RPUSD3: variants seen among roughly 807,000 people sequenced by gnomAD.
RPUSD3 encodes the protein RNA pseudouridine synthase D3, also known as mitochondrial mRNA pseudouridine synthase RPUSD3.
In RPUSD3, 36 loss-of-function variants were observed where a neutral mutation model predicts 35.1. The ratio of observed to expected loss-of-function variants is 1.02; its 90% CI spans 0.79 to 1.35. RPUSD3 has a LOEUF of 1.35. Ranked by LOEUF, RPUSD3 falls within the 40% of genes most tolerant of loss-of-function variation. The pLI, the probability that RPUSD3 is intolerant of heterozygous loss-of-function variation, is 0.00. For missense variants in RPUSD3, 486 were observed against 441.9 expected, an observed-to-expected ratio of 1.10 and a Z score of -0.89; for synonymous variants, 202 against 187.8, an observed-to-expected ratio of 1.08 and a Z score of -0.62.
chr3:9,840,926 C>T (rs1460593598), intron 4 of RPUSD3, 121 bp from the exon 5 acceptor site: 5 of 623,608 alleles, frequency 8.0e-6, no homozygotes, highest in South Asian at 2.1e-5. Context: ...ATAACCTAGA[C>T]CAACTCCTGA....
Position 9,843,602 on chromosome 3 carries a change from C to G in RPUSD3, c.126-1G>C. Reference sequence around the variant, plus strand: ...GGAGCCGCGGGGTTGCCTCTGATGCCTGGACAAGGAGGGAGAAGCAATGGG... The same window carrying G: ...GGAGCCGCGGGGTTGCCTCTGATGCGTGGACAAGGAGGGAGAAGCAATGGG... On this transcript the variant is annotated splice_acceptor_variant, in intron 1 of 8. Transcript: ENST00000383820. LOFTEE classifies it high-confidence loss of function. The G allele has an allele frequency of 1.2e-6, 2 of 1,613,546 alleles. No individual in the cohort carries two copies. The highest frequency in any genetic ancestry group is 1.7e-6 in the Non-Finnish European group (2 of 1,179,922).
At chr3:9,838,320 G>T in intron 8 of RPUSD3, 113 bp from the exon 9 acceptor site, 1 of 977,954 alleles carries the variant, frequency 1.0e-6, no homozygotes, top group Non-Finnish European at 1.5e-6. Context: ...CCACTGTTCT[G>T]CAACTGTTAA....
chr3:9,838,925 G>GCTA, intron 8 of RPUSD3, 107 bp downstream of exon 8: 1 of 1,498,560 alleles, frequency 6.7e-7, no homozygotes, highest in Non-Finnish European at 9.1e-7. Context: ...AGCCAAAAGG[G>GCTA]CTGCCTCCCA....
intron 2 of RPUSD3, chr3:9,843,243 G>A: frequency 1.6e-6 from 1 of 616,256 alleles, no homozygotes; most frequent in Admixed American, 3.0e-5. Flanking sequence ...CTATGTGCAA[G>A]GCTCGGTAGT....
intron 6 of RPUSD3, 81 bp from the exon 7 acceptor site, chr3:9,840,388 C>G (rs747200637): frequency 6.2e-7 from 1 of 1,611,376 alleles, no homozygotes. Flanking sequence ...CAATAGACTC[C>G]GGGCAGGGCC....
At chr3:9,842,203 C>T (rs759916670) in exon 3 of RPUSD3, 3 of 1,614,188 alleles carry the variant, frequency 1.9e-6, no homozygotes, top group Non-Finnish European at 1.7e-6. Context: ...CCATACCTGT[C>T]ACTGGTAGAC....
chr3:9,841,006 G>A (rs1019335705), intron 4 of RPUSD3: 5 of 410,224 alleles, frequency 1.2e-5, no homozygotes, highest in East Asian at 9.0e-5. Context: ...ATTTTGCCCC[G>A]GCCCCCAGGG....
At chr3:9,843,865 C>T (rs779441097) in intron 1 of RPUSD3, 25 bp downstream of exon 1, 20 of 1,589,506 alleles carry the variant, frequency 1.3e-5, no homozygotes, top group Non-Finnish European at 1.6e-5. Context: ...CTCCGTCCCG[C>T]ATGAGAGAGG....
intron 7 of RPUSD3, 79 bp downstream of exon 7, chr3:9,840,105 C>T (rs778020434): frequency 4.8e-5 from 74 of 1,551,336 alleles, no homozygotes; most frequent in Non-Finnish European, 6.3e-5. Flanking sequence ...TGGTCTTGAA[C>T]TCCTGACCTC....
chr3:9,843,627 G>C (rs781433740), intron 1 of RPUSD3, 26 bp from the exon 2 acceptor site: 135 of 1,612,160 alleles, frequency 8.4e-5, no homozygotes, highest in Non-Finnish European at 1.1e-4. Context: ...GAAGCAATGG[G>C]AGTCATTCCA....
intron 8 of RPUSD3, 134 bp downstream of exon 8, chr3:9,838,898 A>G: frequency 8.6e-7 from 1 of 1,162,328 alleles, no homozygotes; most frequent in Non-Finnish European, 1.2e-6. Context: ...AGATGTGGGT[A>G]CGGATACAGC....
rs762835991 is a variant in RPUSD3, at chr3:9,842,018, CCT to C, written c.370_371del (p.Arg124GlyfsTer28). 6.2e-7 allele frequency: 1 copy of C among 1,614,060 alleles called. No individual in the cohort carries two copies. Among genetic ancestry groups the C allele is most frequent in the Non-Finnish European group, 8.5e-7 (1 of 1,179,968 alleles). On this transcript the variant is annotated frameshift_variant, in exon 4 of 9. Transcript: ENST00000383820. LOFTEE classifies it high-confidence loss of function. Reference sequence around the variant, plus strand: ...CTCGGACAACCTGAAGCTCCTGCTCCCTGAGCCCTAGGGACTGGCTCAGCTCT... The same window carrying C: ...CTCGGACAACCTGAAGCTCCTGCTCCGAGCCCTAGGGACTGGCTCAGCTCT...
chr3:9,838,165 AG>A lies in RPUSD3; in HGVS notation c.906del (p.Ser303ProfsTer64), dbSNP rs1217067065. The stretch of plus-strand genomic sequence containing the variant: ...TGCAAGGGCAGCTGGGCAGCCTGGG[AG>A]GGGGTCAGGTGGAGGCGTCTGAGGA... On this transcript the variant is annotated frameshift_variant, in exon 9 of 9. Coordinates refer to ENST00000383820, the Ensembl canonical transcript of RPUSD3. LOFTEE classifies it high-confidence loss of function. The A allele has an allele frequency of 1.2e-6, 2 of 1,611,998 alleles. No homozygotes were observed. Among genetic ancestry groups the A allele is most frequent in the South Asian group, 2.2e-5 (2 of 90,984 alleles).
At chr3:9,842,640 G>C (rs1003744292) in intron 2 of RPUSD3, 3 of 270,736 alleles carry the variant, frequency 1.1e-5, no homozygotes, top group African/African-American at 6.5e-5. Context: ...TCCCGTTAGA[G>C]AGAAATCCAT....
chr3:9,840,108 C>G, intron 7 of RPUSD3, 76 bp downstream of exon 7: 1 of 1,556,528 alleles, frequency 6.4e-7, no homozygotes, highest in Non-Finnish European at 8.7e-7. Flanking sequence ...TCTTGAACTC[C>G]TGACCTCGTG....
chr3:9,840,412 T>C, intron 6 of RPUSD3, 105 bp from the exon 7 acceptor site: 2 of 1,602,318 alleles, frequency 1.2e-6, no homozygotes, highest in Middle Eastern at 1.7e-4. Flanking sequence ...GTATAGGCAG[T>C]GGTCACTTGC....
intron 2 of RPUSD3, chr3:9,842,444 T>C (rs1186733912): frequency 4.9e-6 from 3 of 615,988 alleles, no homozygotes; most frequent in Non-Finnish European, 8.8e-6. Context: ...CTGTTTCCTG[T>C]CCCCAAATTT....
intron 7 of RPUSD3, 148 bp downstream of exon 7, chr3:9,840,036 G>A (rs4299465): frequency 0.16 from 157,585 of 960,266 alleles, 14,036 homozygotes; most frequent in African/African-American, 0.2. Flanking sequence ...GCCTGCCACC[G>A]TGCCCAGCTA....
chr3:9,843,287 G>A, intron 2 of RPUSD3, 178 bp downstream of exon 2: 2 of 802,444 alleles, frequency 2.5e-6, no homozygotes, highest in Non-Finnish European at 4.0e-6. Context: ...TAACCCTACT[G>A]CATCATGGCA....
Sources: allele counts gnomAD v4.1 joint callset, GRCh38; gene constraint gnomAD v4.1.1; transcripts MANE v1.5; gene names NCBI Gene and HGNC (gene_info 2026-07-23, HGNC 2026-07-21).